LEPR: variants seen among roughly 807,000 people sequenced by gnomAD.
The protein encoded by LEPR is OB receptor.
In LEPR, 56 loss-of-function variants were observed where a neutral mutation model predicts 114.7. That is an observed-to-expected ratio of 0.49 (90% CI 0.39 to 0.61). The LOEUF (loss-of-function observed/expected upper bound fraction) is 0.61, where lower values mean the gene tolerates loss of function less well. LEPR is among the 20% of genes least tolerant of loss of function. The pLI is 0.00. For missense variants in LEPR, 1,202 were observed against 1,352.9 expected (o/e 0.89, Z 1.75); for synonymous variants, 443 against 461.4 (o/e 0.96, Z 0.51).
intron 2 of LEPR, among the ~76,000 whole-genome samples, chr1:65,443,547 A>T (rs1485985413): frequency 6.6e-6 from 1 of 151,882 alleles, no homozygotes; most frequent in East Asian, 1.9e-4. Flanking sequence ...ATAAGCTCTA[A>T]ATATATAAAA....
At chr1:65,427,619 G>T (rs1455206399) in intron 2 of LEPR, among the ~76,000 whole-genome samples, 2 of 152,168 alleles carry the variant, frequency 1.3e-5, no homozygotes, top group Admixed American at 6.5e-5. Context: ...CTCATGTTCT[G>T]ACGCCCTTGA....
chr1:65,433,289 G>A (rs1536466), intron 2 of LEPR: 978,984 of 985,442 alleles, frequency 0.99, 486,292 homozygotes, highest in East Asian at 1. Context: ...ATTTCACTAC[G>A]TGTTGATGTA....
chr1:65,623,798 G>A (rs983894643), intron 19 of LEPR, among the ~76,000 whole-genome samples: 5 of 152,120 alleles, frequency 3.3e-5, no homozygotes, highest in Admixed American at 6.5e-5. Flanking sequence ...GCTATTAATA[G>A]TACTCAAGGA....
At chr1:65,536,694 T>C (rs1446177062) in intron 2 of LEPR, among the ~76,000 whole-genome samples, 1 of 152,182 alleles carries the variant, frequency 6.6e-6, no homozygotes, top group African/African-American at 2.4e-5. Context: ...AAAGTCTGTT[T>C]TTTTCAAGTT....
At chr1:65,621,306 A>G (rs968479751) in intron 17 of LEPR, 47 bp from the exon 18 acceptor site, 2 of 1,524,398 alleles carry the variant, frequency 1.3e-6, no homozygotes, top group Admixed American at 1.7e-5. Context: ...AAAGAAATTA[A>G]TATTTCCTCA....
chr1:65,540,227 A>C (rs1309360978), intron 2 of LEPR, among the ~76,000 whole-genome samples: 1 of 152,156 alleles, frequency 6.6e-6, no homozygotes, highest in Non-Finnish European at 1.5e-5. Flanking sequence ...TTGACAGCCT[A>C]TTCTCCAAAT....
intron 1 of LEPR, chr1:65,421,254 C>G (rs1422112881): frequency 1.4e-6 from 2 of 1,410,850 alleles, no homozygotes; most frequent in East Asian, 5.1e-5. Context: ...GACGGTGTTT[C>G]TCGCAGTCGT....
intron 19 of LEPR, among the ~76,000 whole-genome samples, chr1:65,627,849 GTTTCC>G (rs1658308694): frequency 1.3e-5 from 2 of 152,012 alleles, no homozygotes; most frequent in African/African-American, 4.8e-5. Context: ...TATATCAAGT[GTTTCC>G]TTTAATTTGT....
At chr1:65,552,773 T>G (rs996134269) in intron 2 of LEPR, among the ~76,000 whole-genome samples, 1 of 152,192 alleles carries the variant, frequency 6.6e-6, no homozygotes, top group Non-Finnish European at 1.5e-5. Flanking sequence ...GCTAGCTGGT[T>G]GTTTTGCCCA....
At chr1:65,515,943 C>T (rs1649263349) in intron 2 of LEPR, among the ~76,000 whole-genome samples, 2 of 152,184 alleles carry the variant, frequency 1.3e-5, no homozygotes, top group African/African-American at 4.8e-5. Context: ...GATTTTGAAA[C>T]TCAGATTCTC....
chr1:65,548,137 C>T (rs1467283518), intron 2 of LEPR, among the ~76,000 whole-genome samples: 1 of 152,126 alleles, frequency 6.6e-6, no homozygotes, highest in Non-Finnish European at 1.5e-5. Context: ...TTTCTGAATC[C>T]TCAGTTCTAG....
In LEPR at chr1:65,445,937, A is replaced by G. The variant is rs190393206; in HGVS notation, c.-21+20559A>G. Among the ~76,000 whole-genome samples the G allele has an allele frequency of 5.3e-5, 8 of 152,314 alleles. No homozygotes were observed. In the East Asian group the frequency reaches 1.3e-3, roughly 26 times the overall value. On this transcript the variant is annotated intron_variant, in intron 2 of 19. Transcript: ENST00000349533. ...TTATGGGGTTCTTTTCAATATTTCTATGCTTAATTTTAAATCTTTTTTAGG... is the reference window on the plus strand; with the variant it reads ...TTATGGGGTTCTTTTCAATATTTCTGTGCTTAATTTTAAATCTTTTTTAGG...
At chr1:65,440,637 C>G (rs1646637908) in intron 2 of LEPR, among the ~76,000 whole-genome samples, 1 of 152,072 alleles carries the variant, frequency 6.6e-6, no homozygotes, top group Non-Finnish European at 1.5e-5. Flanking sequence ...TGCAGCGGCC[C>G]TGAGCTGGAG....
chr1:65,468,235 T>G (rs72921458), intron 2 of LEPR, among the ~76,000 whole-genome samples: 1 of 152,164 alleles, frequency 6.6e-6, no homozygotes, highest in South Asian at 2.1e-4. Flanking sequence ...GCTGACTCAA[T>G]GTAATGTGGT....
At chr1:65,526,436 C>A (rs1379978733) in intron 2 of LEPR, 2 of 984,472 alleles carry the variant, frequency 2.0e-6, no homozygotes, top group Non-Finnish European at 2.4e-6. Flanking sequence ...ATTTGGGAAC[C>A]GCAGGTATGG....
At chr1:65,449,912 C>T (rs564180998) in intron 2 of LEPR, among the ~76,000 whole-genome samples, 77 of 152,030 alleles carry the variant, frequency 5.1e-4, no homozygotes, top group Non-Finnish European at 8.2e-4. Context: ...TTCATCTAAG[C>T]ACTGTTTTTA....
chr1:65,503,730 A>T (rs1648578111), intron 2 of LEPR, among the ~76,000 whole-genome samples: 1 of 152,090 alleles, frequency 6.6e-6, no homozygotes, highest in Non-Finnish European at 1.5e-5. Flanking sequence ...TCATGCTTAC[A>T]TTATTATAGG....
At chr1:65,437,331 G>A (rs955585988) in intron 2 of LEPR, among the ~76,000 whole-genome samples, 2 of 151,942 alleles carry the variant, frequency 1.3e-5, no homozygotes, top group Non-Finnish European at 2.9e-5. Context: ...CTATCCTCCT[G>A]CCTCAACCTC....
chr1:65,618,842 T>A (rs1268139355), intron 16 of LEPR, among the ~76,000 whole-genome samples: 1 of 152,220 alleles, frequency 6.6e-6, no homozygotes, highest in Admixed American at 6.5e-5. Flanking sequence ...TTTTCTTAAA[T>A]CATTTTTTAA....
Sources: gnomAD v4.1 joint callset for allele counts (sites outside exome capture counted in the v4.1 genomes callset) on GRCh38, gnomAD v4.1.1 for gene constraint, MANE v1.5 for transcripts, NCBI Gene and HGNC (gene_info 2026-07-23, HGNC 2026-07-21) for gene names.